The following PLEKHA5 variants were observed in gnomAD, a reference collection of about 807,000 sequenced individuals.
PLEKHA5 encodes pleckstrin homology domain containing A5.
PLEKHA5 carries 55 observed loss-of-function variants against 181.9 expected under a neutral mutation model. That is an observed-to-expected ratio of 0.30 (90% CI 0.24 to 0.38). The LOEUF (loss-of-function observed/expected upper bound fraction) is 0.38, where lower values mean the gene tolerates loss of function less well. PLEKHA5 is among the 10% of genes least tolerant of loss of function. The pLI is 1.00. For missense variants in PLEKHA5, 1,432 were observed against 1,549.5 expected (o/e 0.92, Z 1.27); for synonymous variants, 535 against 529.4 (o/e 1.01, Z -0.15).
intron 15 of PLEKHA5, among the ~76,000 whole-genome samples, chr12:19,304,401 T>C (rs192738918): frequency 1.3e-5 from 2 of 152,338 alleles, no homozygotes; most frequent in Admixed American, 1.3e-4. Flanking sequence ...TTAAAATCTC[T>C]TAATGCTATA....
chr12:19,192,475 A>T (rs12823320), intron 3 of PLEKHA5, among the ~76,000 whole-genome samples: 14,317 of 152,216 alleles, frequency 0.094, 819 homozygotes, highest in Admixed American at 0.19. Context: ...AGGCGGGCAG[A>T]TCACTTGAAG....
intron 11 of PLEKHA5, among the ~76,000 whole-genome samples, chr12:19,277,660 G>A (rs1408435079): frequency 1.3e-5 from 2 of 152,112 alleles, no homozygotes; most frequent in Admixed American, 1.3e-4. Context: ...CATAAAAATA[G>A]TTGTAGTGTT....
At chr12:19,148,439 C>T (rs753285682) in intron 3 of PLEKHA5, among the ~76,000 whole-genome samples, 4 of 152,232 alleles carry the variant, frequency 2.6e-5, no homozygotes, top group Admixed American at 1.3e-4. Flanking sequence ...CTGGCTGACA[C>T]AGGCAGAGCC....
At chr12:19,241,400 TAA>T (rs2062563377) in intron 3 of PLEKHA5, among the ~76,000 whole-genome samples, 1 of 152,226 alleles carries the variant, frequency 6.6e-6, no homozygotes, top group South Asian at 2.1e-4. Flanking sequence ...CAGATGCTGT[TAA>T]GAGAGTCTTA....
At chr12:19,136,325 G>T (rs2035634737) in intron 3 of PLEKHA5, among the ~76,000 whole-genome samples, 1 of 151,978 alleles carries the variant, frequency 6.6e-6, no homozygotes, top group African/African-American at 2.4e-5. Flanking sequence ...TTTGATTATT[G>T]AATTTTCATA....
chr12:19,171,462 A>G (rs1475080309), intron 3 of PLEKHA5, among the ~76,000 whole-genome samples: 1 of 152,180 alleles, frequency 6.6e-6, no homozygotes, highest in Non-Finnish European at 1.5e-5. Flanking sequence ...ATTTATTTAT[A>G]TTGATATACA....
chr12:19,334,604 A>G (rs959315322), intron 20 of PLEKHA5, among the ~76,000 whole-genome samples: 2 of 151,738 alleles, frequency 1.3e-5, no homozygotes, highest in African/African-American at 4.8e-5. Context: ...CACTATTTGC[A>G]GTTTTTGTGG....
At chr12:19,311,730 A>G (rs746456162) in intron 15 of PLEKHA5, among the ~76,000 whole-genome samples, 1 of 152,012 alleles carries the variant, frequency 6.6e-6, no homozygotes, top group Non-Finnish European at 1.5e-5. Flanking sequence ...TCCTTCCTCC[A>G]CTGAAGTTCT....
chr12:19,344,091 A>T (rs2094146366), intron 22 of PLEKHA5, among the ~76,000 whole-genome samples: 1 of 151,884 alleles, frequency 6.6e-6, no homozygotes, highest in East Asian at 1.9e-4. Context: ...TTATAATCTT[A>T]TGGGACCACT....
At chr12:19,208,764 C>T (rs972968905) in intron 3 of PLEKHA5, among the ~76,000 whole-genome samples, 9 of 152,074 alleles carry the variant, frequency 5.9e-5, no homozygotes, top group African/African-American at 2.2e-4. Flanking sequence ...TACTTAAGAG[C>T]CTGAGATGGG....
intron 3 of PLEKHA5, among the ~76,000 whole-genome samples, chr12:19,191,542 A>G (rs117787503): frequency 0.01 from 1,575 of 152,336 alleles, 14 homozygotes; most frequent in Non-Finnish European, 0.016. Context: ...GCCAAGAACC[A>G]AAATATTCAG....
intron 11 of PLEKHA5, among the ~76,000 whole-genome samples, chr12:19,279,736 A>C (rs1031024297): frequency 1.3e-5 from 2 of 151,948 alleles, no homozygotes; most frequent in African/African-American, 4.8e-5. Flanking sequence ...CCTGCCCCCA[A>C]TATTCTGAAA....
At chr12:19,192,596 G>A (rs12313779) in intron 3 of PLEKHA5, among the ~76,000 whole-genome samples, 1 of 152,230 alleles carries the variant, frequency 6.6e-6, no homozygotes, top group South Asian at 2.1e-4. Context: ...CCAGCCACTC[G>A]GGTGGCTGAG....
chr12:19,334,265 A>G (rs1425172665), intron 20 of PLEKHA5, among the ~76,000 whole-genome samples: 1 of 152,194 alleles, frequency 6.6e-6, no homozygotes, highest in Non-Finnish European at 1.5e-5. Flanking sequence ...AGGTAGGCCT[A>G]GCAGGATTAC....
intron 18 of PLEKHA5, 39 bp downstream of exon 18, chr12:19,320,663 G>A (rs764481533): frequency 1.5e-5 from 14 of 908,130 alleles, no homozygotes; most frequent in East Asian, 2.6e-5. Flanking sequence ...GTACTCTGTC[G>A]TATTCTCCGC....
intron 20 of PLEKHA5, among the ~76,000 whole-genome samples, chr12:19,335,737 T>G (rs2153121033): frequency 6.6e-6 from 1 of 152,118 alleles, no homozygotes; most frequent in South Asian, 2.1e-4. Flanking sequence ...GTTCAAGCGA[T>G]TCTCCCTCCA....
chr12:19,364,855 G>C (rs2095373723), intron 29 of PLEKHA5, among the ~76,000 whole-genome samples: 1 of 151,968 alleles, frequency 6.6e-6, no homozygotes, highest in African/African-American at 2.4e-5. Context: ...AGTAGAAACA[G>C]AGTTTCACCA....
At chr12:19,297,938 G>T (rs2080335990) in intron 15 of PLEKHA5, among the ~76,000 whole-genome samples, 1 of 152,034 alleles carries the variant, frequency 6.6e-6, no homozygotes, top group Non-Finnish European at 1.5e-5. Context: ...GGGCACAGTG[G>T]CTCACGCCTG....
chr12:19,151,009 G>A (rs2040250194), intron 3 of PLEKHA5: 1 of 152,232 alleles, frequency 6.6e-6, no homozygotes, highest in Admixed American at 6.5e-5. Flanking sequence ...TGCAAGGTTG[G>A]AGATTTGGTG....
Sources: allele counts gnomAD v4.1 joint callset (sites outside exome capture counted in the v4.1 genomes callset), GRCh38; gene constraint gnomAD v4.1.1; transcripts MANE v1.5; gene names NCBI Gene and HGNC (gene_info 2026-07-23, HGNC 2026-07-21).